NCKAP1L: variants seen among roughly 807,000 people sequenced by gnomAD.
NCKAP1L encodes the protein NCK associated protein 1 like.
A neutral mutation model predicts 139.2 loss-of-function variants in NCKAP1L; 53 were observed. That is an observed-to-expected ratio of 0.38 (90% CI 0.31 to 0.48). The LOEUF (loss-of-function observed/expected upper bound fraction) is 0.48, where lower values mean the gene tolerates loss of function less well. Among genes scored for constraint, NCKAP1L ranks in the 20% least tolerant of loss-of-function variants. The pLI, the probability that NCKAP1L is intolerant of heterozygous loss-of-function variation, is 0.98. For synonymous variants in NCKAP1L, 468 were observed against 499.7 expected, an observed-to-expected ratio of 0.94 and a Z score of 0.85; for missense variants, 1,151 against 1,381.9, an observed-to-expected ratio of 0.83 and a Z score of 2.65.
chr12:54,520,892 T>C, intron 17 of NCKAP1L, 66 bp downstream of exon 17: 2 of 1,602,104 alleles, frequency 1.2e-6, no homozygotes, highest in Non-Finnish European at 1.7e-6. Context: ...CAAAACACAA[T>C]TCCAAGGGTT....
chr12:54,540,819 T>C (rs1957152116), intron 30 of NCKAP1L, among the ~76,000 whole-genome samples: 1 of 152,252 alleles, frequency 6.6e-6, no homozygotes, highest in South Asian at 2.1e-4. Context: ...TGTTTGCCCC[T>C]GTGGCCTTCC....
intron 3 of NCKAP1L, among the ~76,000 whole-genome samples, chr12:54,506,796 A>AAAAAAAAAAAATATAT: frequency 2.0e-5 from 1 of 50,606 alleles, no homozygotes; most frequent in Non-Finnish European, 3.0e-5. Context: ...AAAAAAAAAA[A>AAAAAAAAAAAATATAT]ATATATATAT....
intron 4 of NCKAP1L, 78 bp from the exon 5 acceptor site, chr12:54,508,311 C>A: frequency 7.2e-7 from 1 of 1,381,984 alleles, no homozygotes; most frequent in Non-Finnish European, 1.0e-6. Flanking sequence ...TGAGCACTGT[C>A]CAGAGTGGTT....
At chr12:54,499,228 A>G (rs1192300231) in intron 1 of NCKAP1L, 127 bp from the exon 2 acceptor site, 1 of 619,354 alleles carries the variant, frequency 1.6e-6, no homozygotes, top group Non-Finnish European at 2.9e-6. Flanking sequence ...CCAGCCTCTC[A>G]TGCTTTTTAA....
chr12:54,536,032 C>T (rs1328429706), intron 27 of NCKAP1L, 97 bp from the exon 28 acceptor site: 1 of 843,586 alleles, frequency 1.2e-6, no homozygotes, highest in East Asian at 2.5e-5. Context: ...CTCCTGCGAT[C>T]CTCACAGCAA....
In NCKAP1L at chr12:54,506,796, A is replaced by AATATATATATAT. The variant is rs1171488876; in HGVS notation, c.307-1040_307-1029dup. Among the ~76,000 whole-genome samples the AATATATATATAT allele has an allele frequency of 6.6e-3, 332 of 50,568 alleles. 4 individuals carry two copies. Among genetic ancestry groups the AATATATATATAT allele is most frequent in the African/African-American group, 0.011 (96 of 9,046 alleles). 33.2% of individuals were successfully genotyped at this position (50,568 alleles called of 152,430 possible). ...TTTTGGCAACATATTAAAAAAAAAA[A>AATATATATATAT]ATATATATATATATATATATATATA... is the stretch of plus-strand genomic sequence containing the variant. On this transcript the variant is annotated intron_variant, in intron 3 of 30. Coordinates refer to ENST00000293373, the MANE Select transcript of NCKAP1L (RefSeq NM_005337.5).
At position 54,546,487 on chromosome 12, in the gene NCKAP1L, G is replaced by A. The variant is rs1375307328; in HGVS notation, c.*3802G>A. The A allele has an allele frequency of 2.0e-5, 3 of 152,078 alleles. No homozygotes were observed. Among genetic ancestry groups the A allele is most frequent in the African/African-American group, 7.3e-5 (3 of 41,378 alleles). 9.4% of individuals were successfully genotyped at this position (152,078 alleles called of 1,614,324 possible). On this transcript the variant is annotated 3_prime_UTR_variant, in exon 31 of 31. Transcript: ENST00000293373. ...AATACCAGGATCCAGGAGGGAGGGA[G>A]GGTATATCTGTGTCCCCCAGCTAGG...
intron 9 of NCKAP1L, chr12:54,512,462 C>A: frequency 5.2e-6 from 1 of 191,364 alleles, no homozygotes; most frequent in Non-Finnish European, 1.1e-5. Context: ...CTCCCTATGG[C>A]CTACCTCATA....
intron 18 of NCKAP1L, among the ~76,000 whole-genome samples, chr12:54,522,602 T>G (rs1424516364): frequency 3.3e-5 from 5 of 152,210 alleles, no homozygotes; most frequent in Admixed American, 6.5e-5. Context: ...TCCATCAAGG[T>G]GGACTTGATT....
At chr12:54,516,855 G>A (rs192718493) in intron 10 of NCKAP1L, 41 bp from the exon 11 acceptor site, 1 of 1,562,056 alleles carries the variant, frequency 6.4e-7, no homozygotes, top group African/African-American at 1.4e-5. Context: ...GGTTTTTAAG[G>A]GTGGGAGAGG....
At chr12:54,518,514 T>G (rs538182934) in intron 13 of NCKAP1L, 137 bp from the exon 14 acceptor site, 1 of 761,134 alleles carries the variant, frequency 1.3e-6, no homozygotes, top group Non-Finnish European at 2.4e-6. Context: ...TTCCTTCATC[T>G]CTTGCTTGGC....
rs146976479 is a variant in NCKAP1L, at chr12:54,527,338, AAAG to A, written c.2375+598_2375+600del. Among the ~76,000 whole-genome samples, 58 of 152,340 alleles carry A rather than the reference AAAG, an allele frequency of 3.8e-4. No individual in the cohort carries two copies. The East Asian group carries it at 9.6e-3, about 25-fold the overall frequency. ...ATCAGCTCAGTAGGCGACAGGCTGC[AAAG>A]AAGAACCCCCCAGAACAAGGGGAAA... is the stretch of plus-strand genomic sequence containing the variant. On this transcript the variant is annotated intron_variant, in intron 21 of 30. Transcript: ENST00000293373.
In NCKAP1L at chr12:54,544,106, A is replaced by G. The variant is rs1480365350; in HGVS notation, c.*1421A>G. ...AATCAACATACAGATTTTTCTTAGC[A>G]ACAGTTGTCTGCTCTTTAGGGTGGA... On this transcript the variant is annotated 3_prime_UTR_variant, in exon 31 of 31. Transcript: ENST00000293373. The G allele has an allele frequency of 6.6e-6, 1 of 152,188 alleles. No homozygotes were observed. The highest frequency in any genetic ancestry group is 1.5e-5 in the Non-Finnish European group (1 of 68,040). 9.4% of individuals were successfully genotyped at this position (152,188 alleles called of 1,614,324 possible).
At chr12:54,503,916 C>T (rs1956821857) in intron 3 of NCKAP1L, among the ~76,000 whole-genome samples, 1 of 152,122 alleles carries the variant, frequency 6.6e-6, no homozygotes, top group Non-Finnish European at 1.5e-5. Context: ...GCTGGGATTA[C>T]AGGCATGAGT....
chr12:54,528,893 C>T (rs186822363), intron 22 of NCKAP1L, among the ~76,000 whole-genome samples: 6 of 152,218 alleles, frequency 3.9e-5, no homozygotes, highest in Admixed American at 3.9e-4. Context: ...CCTCAGCCTT[C>T]CAAAGCGCTG....
chr12:54,518,765 A>G (rs760519146), intron 14 of NCKAP1L, 33 bp downstream of exon 14: 5 of 1,569,674 alleles, frequency 3.2e-6, no homozygotes, highest in Admixed American at 3.3e-5. Context: ...GGCAGGACAT[A>G]TGTGAGGATG....
rs1175307561 is a variant in NCKAP1L, at chr12:54,516,233, C to T, written c.942-6C>T. The T allele has an allele frequency of 3.7e-6, 6 of 1,613,866 alleles. No individual in the cohort carries two copies. The highest frequency in any genetic ancestry group is 5.1e-6 in the Non-Finnish European group (6 of 1,179,906). ...TCAACCCCATTGTGCTTGTGTCAAT[C>T]CTCAGGTATGGCAAGAGAGTGGCAG... On this transcript the variant is annotated splice_region_variant and splice_polypyrimidine_tract_variant and intron_variant, in intron 9 of 30. Coordinates refer to ENST00000293373, the MANE Select transcript of NCKAP1L (RefSeq NM_005337.5).
At chr12:54,510,453 A>G (rs1236240782) in intron 7 of NCKAP1L, 1 of 327,664 alleles carries the variant, frequency 3.1e-6, no homozygotes. Flanking sequence ...CCTCCCGAGT[A>G]GCTGGGACTA....
intron 26 of NCKAP1L, 106 bp from the exon 27 acceptor site, chr12:54,534,997 TA>T (rs35109342): frequency 1.9e-3 from 1,310 of 683,212 alleles, no homozygotes; most frequent in South Asian, 2.9e-3. Flanking sequence ...AAAGCATCTT[TA>T]AAAAAAAAAT....
Sources: gnomAD v4.1 joint callset for allele counts (sites outside exome capture counted in the v4.1 genomes callset) on GRCh38, gnomAD v4.1.1 for gene constraint, MANE v1.5 for transcripts, NCBI Gene and HGNC (gene_info 2026-07-23, HGNC 2026-07-21) for gene names.